GFRA2: variants seen among roughly 807,000 people sequenced by gnomAD.
GFRA2 encodes GDNF family receptor alpha-2.
GFRA2 carries 17 observed loss-of-function variants against 48.3 expected under a neutral mutation model. The observed-to-expected ratio is 0.35, with a 90% CI of 0.24 to 0.53. The LOEUF is 0.53. GFRA2 is among the 20% of genes least tolerant of loss of function. The probability of loss-of-function intolerance (pLI) is 0.93; values close to 1 mark genes in which losing one functional copy is unlikely to be tolerated. For missense variants in GFRA2, 660 were observed against 637.3 expected (o/e 1.04, Z -0.38); for synonymous variants, 305 against 257.2 (o/e 1.19, Z -1.78).
upstream of GFRA2, among the ~76,000 whole-genome samples, chr8:21,789,029 C>CGGCGCGG (rs878875679): frequency 4.5e-4 from 68 of 150,454 alleles, no homozygotes; most frequent in South Asian, 9.6e-3. Context: ...AGGCGGCTGG[C>CGGCGCGG]GGCGCGGGGC....
At chr8:21,755,427 A>G (rs900223635) in intron 3 of GFRA2, among the ~76,000 whole-genome samples, 1 of 152,194 alleles carries the variant, frequency 6.6e-6, no homozygotes, top group African/African-American at 2.4e-5. Flanking sequence ...GGGGGAAATT[A>G]AGGCAGAAAG....
At chr8:21,783,906 T>C (rs1807137684) in intron 1 of GFRA2, among the ~76,000 whole-genome samples, 1 of 152,036 alleles carries the variant, frequency 6.6e-6, no homozygotes, top group East Asian at 1.9e-4. Context: ...CCTTGTTTTT[T>C]TCTCTCTCAG....
rs979277005 is a variant in GFRA2, at chr8:21,788,295, C to G, written c.-136G>C. 9 of 1,380,372 alleles carry G rather than the reference C, an allele frequency of 6.5e-6. No homozygotes were observed. In the Admixed American group the frequency reaches 8.6e-5, roughly 13 times the overall value. The allele number at this position is 1,380,372 out of a possible 1,614,324, so 85.5% of individuals were successfully genotyped here. On this transcript the variant is annotated 5_prime_UTR_variant, in exon 1 of 9. Transcript: ENST00000524240. ...ATGCGGAGATCCCAGCTAGTCCACC[C>G]GATGAAGATCCCGAGTCCTGCGATT... is the stretch of plus-strand genomic sequence containing the variant.
At chr8:21,790,104 C>T (rs1317470978), upstream of GFRA2, 6 of 985,086 alleles carry the variant, frequency 6.1e-6, no homozygotes, top group African/African-American at 1.0e-4. Flanking sequence ...ACAATAAACG[C>T]CCAGAAGGAC....
chr8:21,695,239 C>T (rs897211765), intron 7 of GFRA2, among the ~76,000 whole-genome samples: 1 of 152,120 alleles, frequency 6.6e-6, no homozygotes, highest in East Asian at 1.9e-4. Flanking sequence ...GGCCAGAGGG[C>T]GCACATGATG....
intron 3 of GFRA2, among the ~76,000 whole-genome samples, chr8:21,756,174 G>T (rs554096764): frequency 6.6e-6 from 1 of 152,336 alleles, no homozygotes; most frequent in South Asian, 2.1e-4. Context: ...CTCTCAGCAG[G>T]TTCCTGAGCT....
intron 3 of GFRA2, among the ~76,000 whole-genome samples, chr8:21,766,312 T>C (rs976291443): frequency 6.6e-6 from 1 of 152,068 alleles, no homozygotes; most frequent in Non-Finnish European, 1.5e-5. Flanking sequence ...TCACATGTCT[T>C]GTTAATTTGT....
At chr8:21,796,474 G>A (rs1807679622) in intron 2 of GFRA2, among the ~76,000 whole-genome samples, 2 of 152,356 alleles carry the variant, frequency 1.3e-5, no homozygotes, top group East Asian at 1.9e-4. Context: ...GGTCTGAGCT[G>A]GACTGTCACT....
chr8:21,793,721 G>A (rs1438524311), upstream of GFRA2, among the ~76,000 whole-genome samples: 2 of 151,792 alleles, frequency 1.3e-5, no homozygotes, highest in East Asian at 3.9e-4. Context: ...ACCCCCAACT[G>A]GTCAATTCTG....
intron 4 of GFRA2, among the ~76,000 whole-genome samples, chr8:21,740,786 A>T (rs1804711132): frequency 6.6e-6 from 1 of 152,204 alleles, no homozygotes; most frequent in Non-Finnish European, 1.5e-5. Context: ...GGAACTCCTG[A>T]TTTATCTCCC....
At chr8:21,777,033 G>A (rs1806741135) in intron 2 of GFRA2, among the ~76,000 whole-genome samples, 1 of 152,174 alleles carries the variant, frequency 6.6e-6, no homozygotes, top group Admixed American at 6.5e-5. Context: ...TTTAGATATA[G>A]CTCATTTCAT....
chr8:21,703,744 A>G (rs984509314), intron 6 of GFRA2, among the ~76,000 whole-genome samples: 3 of 152,030 alleles, frequency 2.0e-5, no homozygotes, highest in African/African-American at 7.2e-5. Context: ...CACCTCCTAA[A>G]GATCCCTCCA....
At chr8:21,803,080 C>A (rs1373246148) in intron 2 of GFRA2, among the ~76,000 whole-genome samples, 2 of 152,220 alleles carry the variant, frequency 1.3e-5, no homozygotes, top group South Asian at 2.1e-4. Flanking sequence ...AGGGTTAACA[C>A]CGCAAAGGTT....
At chr8:21,697,340 G>A (rs1213789092) in intron 7 of GFRA2, among the ~76,000 whole-genome samples, 1 of 151,888 alleles carries the variant, frequency 6.6e-6, no homozygotes, top group East Asian at 1.9e-4. Context: ...AGAATAAAGG[G>A]GGAGGCAAGA....
At position 21,788,240 on chromosome 8, in the gene GFRA2, G is replaced by C. The variant is rs1286889491; in HGVS notation, c.-81C>G. 3.9e-6 allele frequency: 6 copies of C among 1,557,666 alleles called. No individual in the cohort carries two copies. Among genetic ancestry groups the C allele is most frequent in the Non-Finnish European group, 5.2e-6 (6 of 1,152,828 alleles). Reference sequence around the variant, plus strand: ...AGTAGTAACAACAACAATAATAATAGGCAAGCAGTGGTAATCAGCCCCAAA... The same window carrying C: ...AGTAGTAACAACAACAATAATAATACGCAAGCAGTGGTAATCAGCCCCAAA... On this transcript the variant is annotated 5_prime_UTR_variant, in exon 1 of 9. Transcript: ENST00000524240.
chr8:21,715,223 A>C (rs1314351746), intron 4 of GFRA2, among the ~76,000 whole-genome samples: 1 of 152,072 alleles, frequency 6.6e-6, no homozygotes, highest in Non-Finnish European at 1.5e-5. Flanking sequence ...GTGGATACTT[A>C]CTATTCTTTC....
At chr8:21,701,799 C>T (rs567342244) in intron 7 of GFRA2, among the ~76,000 whole-genome samples, 3 of 152,132 alleles carry the variant, frequency 2.0e-5, no homozygotes, top group Admixed American at 6.5e-5. Flanking sequence ...ACTGATGGCT[C>T]GGCAAACTGC....
In GFRA2 at chr8:21,704,991, A is replaced by G; in HGVS notation, c.1039T>C (p.Cys347Arg). ...GAGAACATCCAGAACTTACGGAGGC[A>G]TGGGTTCTCGGTGAAGTCCCTGAGG... is the stretch of plus-strand genomic sequence containing the variant. ...KFLRDFTENP[C>R]LRNAIQAFGN... is the part of the protein sequence containing the mutation. The change falls in exon 6 of 9, where the codon TGC (cysteine) becomes CGC (arginine). Residue 347 changes from cysteine (C) to arginine (R), a missense_variant. Cys to Arg is a radical substitution (Grantham distance 180, BLOSUM62 -3). Coordinates refer to ENST00000524240, the MANE Select transcript of GFRA2 (RefSeq NM_001495.5). 2 of 1,610,004 alleles carry G rather than the reference A, an allele frequency of 1.2e-6. No individual in the cohort carries two copies. The highest frequency in any genetic ancestry group is 1.7e-6 in the Non-Finnish European group (2 of 1,178,600).
intron 3 of GFRA2, among the ~76,000 whole-genome samples, chr8:21,766,339 T>C (rs1342095385): frequency 6.6e-6 from 1 of 152,076 alleles, no homozygotes; most frequent in African/African-American, 2.4e-5. Context: ...GCTTGTTTTC[T>C]ATTTTTCTCT....
Sources: gnomAD v4.1 joint callset for allele counts (sites outside exome capture counted in the v4.1 genomes callset) on GRCh38, gnomAD v4.1.1 for gene constraint, MANE v1.5 for transcripts, NCBI Gene and HGNC (gene_info 2026-07-23, HGNC 2026-07-21) for gene names.